The following PPFIBP2 variants were observed in gnomAD, a reference collection of about 807,000 sequenced individuals.
PPFIBP2 encodes the protein liprin-beta-2.
Under a neutral mutation model 118.3 loss-of-function variants are expected in PPFIBP2, and 118 were observed. The ratio of observed to expected loss-of-function variants is 1.00; its 90% CI spans 0.86 to 1.16. The LOEUF (loss-of-function observed/expected upper bound fraction) is 1.16. Ranked by LOEUF, PPFIBP2 falls within the 50% of genes most tolerant of loss-of-function variation. The pLI, the probability that PPFIBP2 is intolerant of heterozygous loss-of-function variation, is 0.00. For missense variants in PPFIBP2, 1,195 were observed against 1,073.1 expected, an observed-to-expected ratio of 1.11 and a Z score of -1.59; for synonymous variants, 414 against 397.4, an observed-to-expected ratio of 1.04 and a Z score of -0.50.
Position 7,574,694 on chromosome 11 carries a change from C to G in PPFIBP2, c.279+8927C>G, listed in dbSNP as rs147778372. ...CCAGGCCAGTGTGATGAGGGAGCCA[C>G]GACAGGGACCCAGCTGCCCCTGGGG... On this transcript the variant is annotated intron_variant, in intron 3 of 23. Coordinates refer to ENST00000299492, the MANE Select transcript of PPFIBP2 (RefSeq NM_003621.5). Among the ~76,000 whole-genome samples, 35 of 152,200 alleles carry G rather than the reference C, an allele frequency of 2.3e-4. 1 individual carries two copies. The South Asian group carries it at 6.8e-3, about 30-fold the overall frequency.
At chr11:7,523,652 G>A (rs1849968316) in intron 1 of PPFIBP2, among the ~76,000 whole-genome samples, 1 of 152,194 alleles carries the variant, frequency 6.6e-6, no homozygotes, top group Non-Finnish European at 1.5e-5. Context: ...GTAGGTGGGT[G>A]GAGGAACCAC....
intron 2 of PPFIBP2, among the ~76,000 whole-genome samples, chr11:7,551,884 A>G (rs1853038927): frequency 6.6e-6 from 1 of 152,228 alleles, no homozygotes; most frequent in Admixed American, 6.5e-5. Flanking sequence ...GCCTTGACCC[A>G]GGATCTGCAG....
At chr11:7,577,778 A>G (rs1420306120) in intron 3 of PPFIBP2, 1 of 407,734 alleles carries the variant, frequency 2.5e-6, no homozygotes, top group Non-Finnish European at 4.9e-6. Context: ...CAAGTTCTTC[A>G]TGAGAATCTA....
chr11:7,609,811 T>G (rs1156650130), intron 5 of PPFIBP2, among the ~76,000 whole-genome samples: 1 of 152,244 alleles, frequency 6.6e-6, no homozygotes, highest in Non-Finnish European at 1.5e-5. Flanking sequence ...TTCTAGCTCC[T>G]GTCTAGGTTC....
chr11:7,523,664 A>G (rs1434996098), intron 1 of PPFIBP2, among the ~76,000 whole-genome samples: 2 of 152,142 alleles, frequency 1.3e-5, no homozygotes, highest in Non-Finnish European at 2.9e-5. Context: ...AGGAACCACT[A>G]ATGCATCTCC....
At chr11:7,631,669 G>A (rs1043111173) in intron 11 of PPFIBP2, among the ~76,000 whole-genome samples, 5 of 152,088 alleles carry the variant, frequency 3.3e-5, no homozygotes, top group African/African-American at 1.2e-4. Context: ...TCCTGAAAAC[G>A]TCACACTATC....
rs1181677506 is a variant in PPFIBP2, at chr11:7,639,312, ATATATG to A, written c.1237-416_1237-411del. ...CTCTTGCAGGATTGTTATTTTACAT[ATATATG>A]TATGTATGTATGATAAAACACTAGG... On this transcript the variant is annotated intron_variant, in intron 14 of 23. Coordinates refer to ENST00000299492, the MANE Select transcript of PPFIBP2 (RefSeq NM_003621.5). Among the ~76,000 whole-genome samples the A allele has an allele frequency of 2.0e-5, 3 of 152,204 alleles. No individual in the cohort carries two copies. In the East Asian group the frequency reaches 5.8e-4, roughly 29 times the overall value.
At chr11:7,524,534 G>A (rs1429369498) in intron 1 of PPFIBP2, among the ~76,000 whole-genome samples, 2 of 152,176 alleles carry the variant, frequency 1.3e-5, no homozygotes, top group African/African-American at 2.4e-5. Context: ...TGGGAAACAG[G>A]TGCCAGAGAA....
rs572947666 is a variant in PPFIBP2 at position 7,648,886 on chromosome 11, A to C, written c.1884A>C (p.Ala628=). The C allele has an allele frequency of 4.0e-5, 65 of 1,614,078 alleles. No homozygotes were observed. In the East Asian group the frequency reaches 1.4e-3, roughly 34 times the overall value. Residue 628 remains alanine, a synonymous_variant, in exon 19 of 24, where the codon GCA becomes GCC. Coordinates refer to ENST00000299492, the MANE Select transcript of PPFIBP2 (RefSeq NM_003621.5). ...ACACCAAACAGGAGGAGAAGTCTGC[A>C]CTGCTAGACCACATTTGGGTGACAA... ...AINTKQEEKS[A]LLDHIWVTRW... is the part of the protein sequence containing the mutation.
At chr11:7,643,902 C>T (rs1852589934) in intron 17 of PPFIBP2, among the ~76,000 whole-genome samples, 1 of 152,108 alleles carries the variant, frequency 6.6e-6, no homozygotes, top group African/African-American at 2.4e-5. Flanking sequence ...TTTCTTTCTT[C>T]TCCCAGGTAA....
chr11:7,643,637 A>C (rs921041834), intron 17 of PPFIBP2, among the ~76,000 whole-genome samples: 4 of 152,236 alleles, frequency 2.6e-5, no homozygotes, highest in African/African-American at 9.6e-5. Flanking sequence ...TGGAAAAGAA[A>C]GGCCTTGTGA....
At chr11:7,597,758 G>C in intron 5 of PPFIBP2, 85 bp downstream of exon 5, 1 of 1,121,660 alleles carries the variant, frequency 8.9e-7, no homozygotes, top group Non-Finnish European at 1.3e-6. Flanking sequence ...TACAGCCCTC[G>C]CTGTCTGCTT....
chr11:7,634,617 G>A, intron 13 of PPFIBP2, 65 bp downstream of exon 13: 2 of 1,271,432 alleles, frequency 1.6e-6, no homozygotes, highest in Non-Finnish European at 2.3e-6. Context: ...ATAGTACTGG[G>A]ATATACAGGC....
chr11:7,557,757 G>C (rs537168618), intron 2 of PPFIBP2, among the ~76,000 whole-genome samples: 7 of 152,140 alleles, frequency 4.6e-5, no homozygotes, highest in Admixed American at 4.6e-4. Flanking sequence ...AGCAGTTGTA[G>C]AGCATTTGGG....
chr11:7,561,340 A>G (rs894812155), intron 2 of PPFIBP2, among the ~76,000 whole-genome samples: 6 of 152,238 alleles, frequency 3.9e-5, no homozygotes, highest in Admixed American at 3.9e-4. Context: ...TACTAGGATT[A>G]CAGGCGTGAG....
At position 7,626,093 on chromosome 11, in the gene PPFIBP2, G is replaced by A. The variant is rs368094654; in HGVS notation, c.826+202G>A. On this transcript the variant is annotated intron_variant, in intron 8 of 23. Transcript: ENST00000299492. ...TTTGTGTGTGTCCCTATAATGCAGC[G>A]CTCTTGTGGAATCATTCCCATGGAA... is the stretch of plus-strand genomic sequence containing the variant. Among the ~76,000 whole-genome samples, 34 of 152,306 alleles carry A rather than the reference G, an allele frequency of 2.2e-4. No homozygotes were observed. The East Asian group carries it at 2.5e-3, about 11-fold the overall frequency.
chr11:7,605,097 C>T (rs762510126), intron 5 of PPFIBP2, among the ~76,000 whole-genome samples: 5 of 152,094 alleles, frequency 3.3e-5, no homozygotes, highest in Non-Finnish European at 7.4e-5. Context: ...TTTATGTGCA[C>T]CTGGAAGTAT....
At chr11:7,647,030 T>C (rs903333134) in intron 17 of PPFIBP2, among the ~76,000 whole-genome samples, 22 of 152,264 alleles carry the variant, frequency 1.4e-4, no homozygotes, top group African/African-American at 4.1e-4. Flanking sequence ...AAAGCCCAGG[T>C]TCCAGATTAT....
chr11:7,577,345 G>GTGTGTGCGTGTGTGTGTGTA lies in PPFIBP2; in HGVS notation c.279+11584_279+11585insCGTGTGTGTGTGTATGTGTG, dbSNP rs1856565280. ...CGTGTGTGTGTGTGTGTGTGTGTGT[G>GTGTGTGCGTGTGTGTGTGTA]TGTGTGTTTGTTGGGGTGGTCGGGG... On this transcript the variant is annotated intron_variant, in intron 3 of 23. Coordinates refer to ENST00000299492, the MANE Select transcript of PPFIBP2 (RefSeq NM_003621.5). 2.4e-5 allele frequency: 8 copies of GTGTGTGCGTGTGTGTGTGTA among 333,724 alleles called. 1 individual carries two copies. Among genetic ancestry groups the GTGTGTGCGTGTGTGTGTGTA allele is most frequent in the South Asian group, 4.6e-5 (2 of 43,474 alleles). 20.7% of individuals were successfully genotyped at this position (333,724 alleles called of 1,614,324 possible).
Sources: allele counts gnomAD v4.1 joint callset (sites outside exome capture counted in the v4.1 genomes callset), GRCh38; gene constraint gnomAD v4.1.1; transcripts MANE v1.5; gene names NCBI Gene and HGNC (gene_info 2026-07-23, HGNC 2026-07-21).